Variants in PCDH15 observed in about 807,000 individuals in gnomAD.
The protein encoded by PCDH15 is protocadherin-15.
Under a neutral mutation model 178.5 loss-of-function variants are expected in PCDH15, and 129 were observed. The ratio of observed to expected loss-of-function variants is 0.72; its 90% CI spans 0.63 to 0.84. PCDH15 has a LOEUF of 0.84. Ranked by LOEUF, PCDH15 falls within the 40% of genes least tolerant of loss-of-function variation. PCDH15 has a pLI of 0.00. For synonymous variants in PCDH15, 800 were observed against 732.0 expected, an observed-to-expected ratio of 1.09 and a Z score of -1.50; for missense variants, 2,230 against 2,099.9, an observed-to-expected ratio of 1.06 and a Z score of -1.21.
chr10:54,038,634 A>G (rs1474514073), intron 18 of PCDH15, among the ~76,000 whole-genome samples: 1 of 151,834 alleles, frequency 6.6e-6, no homozygotes, highest in African/African-American at 2.4e-5. Flanking sequence ...CCTTCTGTAG[A>G]TAAGGTCATC....
At chr10:54,394,510 T>C (rs1950956579) in intron 3 of PCDH15, among the ~76,000 whole-genome samples, 1 of 152,106 alleles carries the variant, frequency 6.6e-6, no homozygotes, top group African/African-American at 2.4e-5. Context: ...CGAATAGGTG[T>C]GGGTCACAGA....
At chr10:55,285,550 T>C (rs1014710129) in intron 1 of PCDH15, among the ~76,000 whole-genome samples, 2 of 151,892 alleles carry the variant, frequency 1.3e-5, no homozygotes, top group African/African-American at 2.4e-5. Flanking sequence ...ATGTTCATTT[T>C]TTTTCTTTTT....
rs1953746886 is a variant in PCDH15 at position 54,856,615 on chromosome 10, C to G, written c.-29+40835G>C. ...TTTATGCCCTGATATTTACTGATCT[C>G]TATGTATTGACTTTTGATCACTCAC... On this transcript the variant is annotated intron_variant, in intron 3 of 5. Transcript: ENST00000458638. Among the ~76,000 whole-genome samples the G allele has an allele frequency of 2.6e-5, 4 of 152,242 alleles. No homozygotes were observed. The South Asian group carries it at 8.3e-4, about 32-fold the overall frequency.
chr10:53,827,259 T>C, intron 32 of PCDH15, 134 bp downstream of exon 32: 5 of 1,281,716 alleles, frequency 3.9e-6, no homozygotes, highest in Admixed American at 2.8e-5. Context: ...TCTTAACAAA[T>C]TTTCTCTTGA....
chr10:54,500,131 C>G (rs1048608933), intron 3 of PCDH15, among the ~76,000 whole-genome samples: 5 of 149,502 alleles, frequency 3.3e-5, no homozygotes, highest in Non-Finnish European at 7.4e-5. Flanking sequence ...AAAAACAAAA[C>G]AACATTCTTT....
intron 5 of PCDH15, among the ~76,000 whole-genome samples, chr10:54,368,574 G>A (rs1254361176): frequency 6.6e-6 from 1 of 151,958 alleles, no homozygotes; most frequent in East Asian, 1.9e-4. Flanking sequence ...AAACAAGCAT[G>A]TCCTTAAAAA....
chr10:55,590,168 A>G (rs1842814062), intron 2 of PCDH15, among the ~76,000 whole-genome samples: 1 of 151,924 alleles, frequency 6.6e-6, no homozygotes, highest in South Asian at 2.1e-4. Flanking sequence ...TTATAGGGAC[A>G]TGGATGAAAC....
intron 3 of PCDH15, among the ~76,000 whole-genome samples, chr10:54,816,160 C>A (rs1326799466): frequency 1.3e-5 from 2 of 151,942 alleles, no homozygotes; most frequent in African/African-American, 4.8e-5. Context: ...CTATGTAATT[C>A]TCAACATTAT....
At chr10:54,916,561 T>C (rs940702360) in intron 2 of PCDH15, among the ~76,000 whole-genome samples, 1 of 152,116 alleles carries the variant, frequency 6.6e-6, no homozygotes, top group Admixed American at 6.6e-5. Flanking sequence ...AAGTTTCTAT[T>C]TTTTAAAGCT....
intron 21 of PCDH15, among the ~76,000 whole-genome samples, chr10:53,984,474 T>A (rs1307408677): frequency 6.6e-6 from 1 of 152,098 alleles, no homozygotes. Context: ...TTTTAACTTT[T>A]ATCCTTTCAA....
intron 32 of PCDH15, 51 bp downstream of exon 32, chr10:53,827,342 G>C (rs751914582): frequency 1.3e-6 from 2 of 1,555,306 alleles, no homozygotes; most frequent in Non-Finnish European, 8.7e-7. Context: ...TCACCACACA[G>C]AATTCAGTAA....
At chr10:54,625,027 G>T (rs1174735050) in intron 2 of PCDH15, among the ~76,000 whole-genome samples, 4 of 152,140 alleles carry the variant, frequency 2.6e-5, no homozygotes, top group Non-Finnish European at 4.4e-5. Flanking sequence ...CCACCCCACT[G>T]GGTCCGTAGA....
intron 3 of PCDH15, among the ~76,000 whole-genome samples, chr10:54,503,787 A>T (rs529721896): frequency 6.6e-6 from 1 of 152,212 alleles, no homozygotes; most frequent in African/African-American, 2.4e-5. Flanking sequence ...AGGTGTTTAG[A>T]TTGTTCTTTC....
intron 1 of PCDH15, among the ~76,000 whole-genome samples, chr10:55,184,229 C>T (rs893891454): frequency 1.3e-5 from 2 of 151,856 alleles, no homozygotes; most frequent in East Asian, 3.9e-4. Flanking sequence ...GCTGGTGAGG[C>T]TGGTGGAACA....
At chr10:55,529,515 C>A (rs934352187) in intron 2 of PCDH15, among the ~76,000 whole-genome samples, 1 of 151,690 alleles carries the variant, frequency 6.6e-6, no homozygotes, top group African/African-American at 2.4e-5. Flanking sequence ...TGCACCTGGG[C>A]AGCAATTTTA....
chr10:55,544,853 C>T (rs534163432), intron 2 of PCDH15, among the ~76,000 whole-genome samples: 34 of 151,970 alleles, frequency 2.2e-4, no homozygotes, highest in Admixed American at 3.9e-4. Flanking sequence ...AAACTTTACA[C>T]GTAAAGGTAA....
chr10:55,316,960 G>T (rs1349475496), intron 1 of PCDH15, among the ~76,000 whole-genome samples: 1 of 152,034 alleles, frequency 6.6e-6, no homozygotes, highest in African/African-American at 2.4e-5. Flanking sequence ...AAATCTCAAC[G>T]TTTCTAAACA....
At chr10:55,399,397 A>T (rs1838009152) in intron 2 of PCDH15, among the ~76,000 whole-genome samples, 1 of 152,212 alleles carries the variant, frequency 6.6e-6, no homozygotes, top group Admixed American at 6.6e-5. Flanking sequence ...CAAATCTTTA[A>T]ATAAAAAATA....
chr10:54,569,662 C>A (rs2089521970), intron 2 of PCDH15, among the ~76,000 whole-genome samples: 1 of 152,088 alleles, frequency 6.6e-6, no homozygotes, highest in Non-Finnish European at 1.5e-5. Context: ...ATTTTTCAAA[C>A]CAACTTAAAA....
Sources: gnomAD v4.1 joint callset for allele counts (sites outside exome capture counted in the v4.1 genomes callset) on GRCh38, gnomAD v4.1.1 for gene constraint, MANE v1.5 for transcripts, NCBI Gene and HGNC (gene_info 2026-07-23, HGNC 2026-07-21) for gene names.